RLIG1: variants seen among roughly 807,000 people sequenced by gnomAD.
RLIG1 encodes the protein RNA 5'-phosphate and 3'-OH ligase 1.
At chr12:88,048,413 T>G in the RLIG1 span, 4 of 1,418,578 alleles carry the variant, frequency 2.8e-6, no homozygotes, top group African/African-American at 5.8e-5. Flanking sequence ...ATATAATATT[T>G]GATGTATAAA....
the RLIG1 span, chr12:88,035,878 A>C: frequency 6.6e-7 from 1 of 1,507,030 alleles, no homozygotes; most frequent in South Asian, 1.3e-5. Context: ...TTCCCTGGGG[A>C]GGTCTGGGGT....
At chr12:88,037,510 C>G in the RLIG1 span, among the ~76,000 whole-genome samples, 2 of 152,000 alleles carry the variant, frequency 1.3e-5, no homozygotes, top group Non-Finnish European at 2.9e-5. Context: ...AGTAATCTTC[C>G]CCCCCACATA....
At chr12:88,046,784 T>C in the RLIG1 span, 1 of 1,584,842 alleles carries the variant, frequency 6.3e-7, no homozygotes, top group Non-Finnish European at 8.6e-7. Flanking sequence ...TGAATATGGC[T>C]AATGGCAAAT....
the RLIG1 span, chr12:88,046,984 C>A: frequency 6.3e-7 from 1 of 1,592,242 alleles, no homozygotes. Flanking sequence ...AAGGTAATGG[C>A]AAAAATAGCT....
the RLIG1 span, chr12:88,048,474 A>ATAT: frequency 3.4e-6 from 3 of 895,176 alleles, no homozygotes; most frequent in East Asian, 9.3e-5. Flanking sequence ...ATATTCTACC[A>ATAT]TATTTAAAAA....
chr12:88,037,786 G>A, the RLIG1 span, among the ~76,000 whole-genome samples: 4 of 152,178 alleles, frequency 2.6e-5, no homozygotes, highest in Non-Finnish European at 5.9e-5. Context: ...ATATTGTACA[G>A]TGTTGTTTCA....
At chr12:88,049,659 T>C in the RLIG1 span, 20 of 336,098 alleles carry the variant, frequency 6.0e-5, no homozygotes, top group South Asian at 8.3e-4. Flanking sequence ...AAATTTATCA[T>C]CTCTTATAAT....
At chr12:88,038,196 T>C in the RLIG1 span, among the ~76,000 whole-genome samples, 13 of 152,272 alleles carry the variant, frequency 8.5e-5, no homozygotes, top group African/African-American at 3.1e-4. Context: ...ATCTCTAAGA[T>C]GGCATAGTGG....
the RLIG1 span, chr12:88,042,869 C>T: frequency 8.3e-6 from 13 of 1,566,740 alleles, no homozygotes; most frequent in Non-Finnish European, 1.1e-5. Context: ...ACCCAACAAA[C>T]AAGCTGAAAA....
At chr12:88,046,790 C>G in the RLIG1 span, 2 of 1,583,944 alleles carry the variant, frequency 1.3e-6, no homozygotes, top group South Asian at 1.2e-5. Context: ...TGGCTAATGG[C>G]AAATTTTCCC....
At chr12:88,043,910 G>T in the RLIG1 span, 1 of 570,630 alleles carries the variant, frequency 1.8e-6, no homozygotes, top group South Asian at 2.2e-5. Context: ...TGTCCTCTTA[G>T]GTTTAGAATC....
chr12:88,043,524 C>A, the RLIG1 span: 1 of 882,772 alleles, frequency 1.1e-6, no homozygotes, highest in Non-Finnish European at 1.7e-6. Context: ...TAGCTGTTCC[C>A]ATTTTGAGTC....
chr12:88,035,791 G>C, the RLIG1 span: 3 of 1,554,712 alleles, frequency 1.9e-6, no homozygotes, highest in African/African-American at 4.1e-5. Flanking sequence ...CCTCCCCGCG[G>C]CGCTGGCTCA....
the RLIG1 span, among the ~76,000 whole-genome samples, chr12:88,036,287 T>C: frequency 2.6e-5 from 4 of 152,190 alleles, no homozygotes; most frequent in African/African-American, 9.6e-5. Flanking sequence ...CAACGTGTTT[T>C]CCATAGTGTG....
chr12:88,050,081 C>A, the RLIG1 span: 1 of 251,956 alleles, frequency 4.0e-6, no homozygotes, highest in Non-Finnish European at 7.4e-6. Context: ...GACACTGTTG[C>A]CAATGTGACC....
chr12:88,047,936 T>C, the RLIG1 span, among the ~76,000 whole-genome samples: 1 of 152,120 alleles, frequency 6.6e-6, no homozygotes, highest in Non-Finnish European at 1.5e-5. Context: ...AGCAACAGGC[T>C]CTATGATTCA....
the RLIG1 span, chr12:88,035,593 G>C: frequency 1.3e-6 from 2 of 1,537,846 alleles, no homozygotes; most frequent in Non-Finnish European, 1.8e-6. Flanking sequence ...CTCCGCGACT[G>C]GACCGGGCGC....
chr12:88,042,371 CATTATT>C, the RLIG1 span: 1 of 152,428 alleles, frequency 6.6e-6, no homozygotes, highest in African/African-American at 2.4e-5. Context: ...TACAAATCAA[CATTATT>C]AGTATTTTCA....
chr12:88,039,526 C>T, the RLIG1 span, among the ~76,000 whole-genome samples: 1 of 152,164 alleles, frequency 6.6e-6, no homozygotes, highest in Non-Finnish European at 1.5e-5. Flanking sequence ...GCCTTGCATT[C>T]TTCAGACACA....
Sources: allele counts gnomAD v4.1 joint callset (sites outside exome capture counted in the v4.1 genomes callset), GRCh38; gene constraint gnomAD v4.1.1; transcripts MANE v1.5; gene names NCBI Gene and HGNC (gene_info 2026-07-23, HGNC 2026-07-21).